The following SEPTIN9 variants were observed in gnomAD, a reference collection of about 807,000 sequenced individuals.
SEPTIN9 encodes septin-9.
SEPTIN9 carries 13 observed loss-of-function variants against 56.6 expected under a neutral mutation model. The ratio of observed to expected loss-of-function variants is 0.23; its 90% CI spans 0.15 to 0.37. The LOEUF (loss-of-function observed/expected upper bound fraction) is 0.37, where lower values mean the gene tolerates loss of function less well. SEPTIN9 is among the 10% of genes least tolerant of loss of function. SEPTIN9 has a pLI of 1.00. For synonymous variants in SEPTIN9, 332 were observed against 334.1 expected (o/e 0.99, Z 0.07); for missense variants, 650 against 823.1 (o/e 0.79, Z 2.57).
At chr17:77,339,824 T>TG (rs35200788) in intron 2 of SEPTIN9, among the ~76,000 whole-genome samples, 85,984 of 151,438 alleles carry the variant, frequency 0.57, 25,099 homozygotes, top group East Asian at 0.98. Context: ...TTGTTTTTTT[T>TG]TTGTTGTTGT....
chr17:77,440,199 G>A (rs142284599), intron 3 of SEPTIN9, among the ~76,000 whole-genome samples: 1 of 152,076 alleles, frequency 6.6e-6, no homozygotes, highest in African/African-American at 2.4e-5. Flanking sequence ...CCGTCACCTA[G>A]GCTGGAGTGC....
Position 77,350,000 on chromosome 17 carries a change from G to A in SEPTIN9, c.76+42803G>A, listed in dbSNP as rs77219027. Among the ~76,000 whole-genome samples, 1,504 of 152,298 alleles carry A rather than the reference G, an allele frequency of 9.9e-3. 45 individuals are homozygous for A. In the East Asian group the frequency reaches 0.11, roughly 12 times the overall value. Reference sequence around the variant, plus strand: ...CCAGAAAAGTGGAATTCCTGGTCTGGGTGGCTATGGTGCCCTAGACCACTG... The same window carrying A: ...CCAGAAAAGTGGAATTCCTGGTCTGAGTGGCTATGGTGCCCTAGACCACTG... On this transcript the variant is annotated intron_variant, in intron 2 of 11. Transcript: ENST00000427177.
chr17:77,372,569 C>T (rs117668222), intron 2 of SEPTIN9, among the ~76,000 whole-genome samples: 2,664 of 152,340 alleles, frequency 0.017, 42 homozygotes, highest in Middle Eastern at 0.037. Context: ...AGGTCTACTT[C>T]CTGCTCTCAG....
intron 4 of SEPTIN9, chr17:77,482,967 C>G (rs775469239): frequency 1.1e-5 from 2 of 179,768 alleles, no homozygotes; most frequent in Non-Finnish European, 2.4e-5. Context: ...GTCCCGTTTT[C>G]CAGGCAGAAG....
chr17:77,438,116 G>T (rs923185617), intron 3 of SEPTIN9, among the ~76,000 whole-genome samples: 1 of 152,262 alleles, frequency 6.6e-6, no homozygotes, highest in African/African-American at 2.4e-5. Context: ...ACCGAAAGGA[G>T]CTGAAGGTTT....
chr17:77,294,119 A>C (rs1237686992), intron 1 of SEPTIN9, among the ~76,000 whole-genome samples: 4 of 148,888 alleles, frequency 2.7e-5, no homozygotes, highest in Non-Finnish European at 6.0e-5. Context: ...AAAAAAAAAA[A>C]CAACAAAAAA....
At position 77,498,854 on chromosome 17, in the gene SEPTIN9, G is replaced by T. The variant is rs2040392357; in HGVS notation, c.*196G>T. 1 of 618,082 alleles carries T rather than the reference G, an allele frequency of 1.6e-6. No homozygotes were observed. The highest frequency in any genetic ancestry group is 1.5e-5 in the South Asian group (1 of 65,858). 38.3% of individuals were successfully genotyped at this position (618,082 alleles called of 1,614,324 possible). A position where few individuals can be genotyped will look rare whatever the true frequency, so the allele number is the denominator to read the frequency against. On this transcript the variant is annotated 3_prime_UTR_variant, in exon 12 of 12. Coordinates refer to ENST00000427177, the MANE Select transcript of SEPTIN9 (RefSeq NM_001113491.2). ...GTGATGAGGCCGCGGCCTCCCCGAG[G>T]TTGTGGGGAGGCTGCACTGGAGCCA...
chr17:77,407,254 G>A (rs960712134), intron 3 of SEPTIN9, among the ~76,000 whole-genome samples: 3 of 123,372 alleles, frequency 2.4e-5, no homozygotes, highest in African/African-American at 9.4e-5. Context: ...CTGCACTCCA[G>A]CCTAGGAGAC....
At chr17:77,288,111 C>G (rs542219937) in intron 1 of SEPTIN9, 1 of 1,063,460 alleles carries the variant, frequency 9.4e-7, no homozygotes, top group African/African-American at 1.6e-5. Context: ...TGGACTCTCT[C>G]GCTGACTCCT....
chr17:77,485,874 T>C (rs1192038322), intron 4 of SEPTIN9, among the ~76,000 whole-genome samples: 1 of 152,152 alleles, frequency 6.6e-6, no homozygotes, highest in Non-Finnish European at 1.5e-5. Context: ...AGGGTCTCAT[T>C]GTTGCCCAGG....
chr17:77,447,851 C>T (rs2037800627), intron 3 of SEPTIN9, among the ~76,000 whole-genome samples: 2 of 152,238 alleles, frequency 1.3e-5, no homozygotes. Context: ...TCTTGAACTC[C>T]TGACCTCAGG....
rs188226696 is a variant in SEPTIN9, at chr17:77,312,444, G to A, written c.76+5247G>A. 1.7e-3 allele frequency among the ~76,000 whole-genome samples: 255 copies of A among 152,292 alleles called. 1 individual carries two copies. Among genetic ancestry groups the A allele is most frequent in the African/African-American group, 5.4e-3 (225 of 41,566 alleles). ...GAGTGCTCGGGCCCCCCCTGGATGG[G>A]TTGCCACTTGTCCTCTGGAAAGCAG... On this transcript the variant is annotated intron_variant, in intron 2 of 11. Coordinates refer to ENST00000427177, the MANE Select transcript of SEPTIN9 (RefSeq NM_001113491.2).
chr17:77,385,557 A>C (rs146134608), intron 2 of SEPTIN9, among the ~76,000 whole-genome samples: 2 of 152,314 alleles, frequency 1.3e-5, no homozygotes. Context: ...AAAAATAAAA[A>C]TAAATAAAAG....
intron 3 of SEPTIN9, among the ~76,000 whole-genome samples, chr17:77,428,009 C>G (rs541849116): frequency 6.6e-6 from 1 of 152,346 alleles, no homozygotes; most frequent in East Asian, 1.9e-4. Flanking sequence ...GCCATCCTTG[C>G]ACCACGTAAC....
chr17:77,355,417 C>T (rs866745484), intron 2 of SEPTIN9, among the ~76,000 whole-genome samples: 4 of 152,220 alleles, frequency 2.6e-5, no homozygotes, highest in Non-Finnish European at 1.5e-5. Flanking sequence ...AAATGTGCCC[C>T]TCCCTGCTGC....
rs192193871 is a variant in SEPTIN9, at chr17:77,463,930, A to G, written c.722-18214A>G. Among the ~76,000 whole-genome samples, 350 of 152,316 alleles carry G rather than the reference A, an allele frequency of 2.3e-3. 12 individuals are homozygous for G. The South Asian group carries it at 0.059, about 26-fold the overall frequency. ...AAATCCTAGAGAACACAGCATTCCT[A>G]CAAGTGATGTTAACATTGTTCTTGA... On this transcript the variant is annotated intron_variant, in intron 3 of 11. Transcript: ENST00000427177.
intron 4 of SEPTIN9, among the ~76,000 whole-genome samples, chr17:77,484,580 A>AT (rs1421963664): frequency 1.9e-5 from 2 of 106,434 alleles, no homozygotes; most frequent in South Asian, 7.1e-4. Context: ...GATGGTGGTT[A>AT]TGATGGTGGT....
At chr17:77,374,474 C>T (rs2034845863) in intron 2 of SEPTIN9, 1 of 152,296 alleles carries the variant, frequency 6.6e-6, no homozygotes, top group African/African-American at 2.4e-5. Flanking sequence ...GTCTCCAGCG[C>T]TCTGGGGCAG....
At chr17:77,351,405 T>G (rs1316128343) in intron 2 of SEPTIN9, among the ~76,000 whole-genome samples, 2 of 152,198 alleles carry the variant, frequency 1.3e-5, no homozygotes, top group Non-Finnish European at 2.9e-5. Context: ...TAAGTGGGGC[T>G]GGGGACAGTT....
Sources: gnomAD v4.1 joint callset for allele counts (sites outside exome capture counted in the v4.1 genomes callset) on GRCh38, gnomAD v4.1.1 for gene constraint, MANE v1.5 for transcripts, NCBI Gene and HGNC (gene_info 2026-07-23, HGNC 2026-07-21) for gene names.